Variants in AGO3 observed in about 807,000 individuals in gnomAD.
The protein encoded by AGO3 is protein argonaute-3.
AGO3 carries 16 observed loss-of-function variants against 105.5 expected under a neutral mutation model. That is an observed-to-expected ratio of 0.15 (90% CI 0.10 to 0.23). The LOEUF is 0.23. Among genes scored for constraint, AGO3 ranks in the 10% least tolerant of loss-of-function variants. The pLI is 1.00. For missense variants in AGO3, 534 were observed against 1,088.0 expected (o/e 0.49, Z 7.16); for synonymous variants, 340 against 367.3 (o/e 0.93, Z 0.85).
chr1:36,066,049 A>G lies in AGO3; in HGVS notation c.*10304A>G, dbSNP rs1314637554. ...AGTGAGACTCTGTCTCAAAAAAAAA[A>G]AAAAATCGTTGTGCAGTAATAGATC... On this transcript the variant is annotated 3_prime_UTR_variant, in exon 19 of 19. Transcript: ENST00000373191. The G allele has an allele frequency of 6.6e-6, 1 of 152,198 alleles. No individual in the cohort carries two copies. The highest frequency in any genetic ancestry group is 1.5e-5 in the Non-Finnish European group (1 of 68,174). 9.4% of individuals were successfully genotyped at this position (152,198 alleles called of 1,614,324 possible). A position where few individuals can be genotyped will look rare whatever the true frequency, so the allele number is the denominator to read the frequency against.
intron 5 of AGO3, among the ~76,000 whole-genome samples, chr1:35,993,738 C>CTTTTTTTTTTTTTT (rs141978570): frequency 1.1e-5 from 1 of 90,780 alleles, no homozygotes; most frequent in African/African-American, 5.0e-5. Flanking sequence ...CCACCCCCTG[C>CTTTTTTTTTTTTTT]TTTTTTTTTT....
At chr1:35,936,697 C>T (rs1383108618) in intron 1 of AGO3, among the ~76,000 whole-genome samples, 1 of 152,058 alleles carries the variant, frequency 6.6e-6, no homozygotes, top group African/African-American at 2.4e-5. Context: ...GAAATCAGAA[C>T]GTGGTATCTA....
chr1:35,935,927 G>A (rs1450481406), intron 1 of AGO3, among the ~76,000 whole-genome samples: 1 of 152,156 alleles, frequency 6.6e-6, no homozygotes, highest in African/African-American at 2.4e-5. Context: ...AAAGACCAAA[G>A]TGATAATTCT....
chr1:35,945,591 C>A, intron 1 of AGO3, 101 bp from the exon 2 acceptor site: 2 of 1,156,974 alleles, frequency 1.7e-6, no homozygotes, highest in Non-Finnish European at 2.5e-6. Flanking sequence ...TAGGTTTTAG[C>A]CATTATCAGC....
At chr1:35,949,895 G>A (rs1646437979) in intron 2 of AGO3, among the ~76,000 whole-genome samples, 1 of 151,978 alleles carries the variant, frequency 6.6e-6, no homozygotes. Context: ...ACAGGCATGA[G>A]CCACCATGGC....
At chr1:35,962,786 A>G (rs1203258723) in intron 2 of AGO3, among the ~76,000 whole-genome samples, 1 of 152,186 alleles carries the variant, frequency 6.6e-6, no homozygotes, top group East Asian at 1.9e-4. Context: ...GAACCAAAAA[A>G]TGTAGACAAA....
At chr1:35,957,197 A>G (rs1429275184) in intron 2 of AGO3, among the ~76,000 whole-genome samples, 2 of 151,090 alleles carry the variant, frequency 1.3e-5, no homozygotes, top group Admixed American at 6.6e-5. Context: ...TAAAAATACA[A>G]AAATTAGCTG....
chr1:35,939,348 A>T (rs11263842), intron 1 of AGO3, among the ~76,000 whole-genome samples: 13,381 of 152,198 alleles, frequency 0.088, 2,049 homozygotes, highest in East Asian at 0.68. Flanking sequence ...TTTAAAAAGC[A>T]CCAGGTAAAG....
chr1:36,040,083 C>T, intron 15 of AGO3, 99 bp downstream of exon 15: 1 of 1,316,212 alleles, frequency 7.6e-7, no homozygotes, highest in South Asian at 1.5e-5. Context: ...TAGAGTTCCC[C>T]AAGTCAAAAC....
rs944962928 is a variant in AGO3, at chr1:35,954,809, G to A, written c.191+8946G>A. On this transcript the variant is annotated intron_variant, in intron 2 of 18. Coordinates refer to ENST00000373191, the MANE Select transcript of AGO3 (RefSeq NM_024852.4). ...CTTTGGGTAAGGAGGAGGATGTGGT[G>A]TATCACATGGTATTTGAGCAAAATA... is the stretch of plus-strand genomic sequence containing the variant. 4.6e-5 allele frequency among the ~76,000 whole-genome samples: 7 copies of A among 152,336 alleles called. No homozygotes were observed. The South Asian group carries it at 1.0e-3, about 23-fold the overall frequency.
chr1:36,037,578 T>C (rs1465662552), intron 14 of AGO3, among the ~76,000 whole-genome samples: 1 of 152,134 alleles, frequency 6.6e-6, no homozygotes, highest in East Asian at 1.9e-4. Flanking sequence ...TTCACATAAA[T>C]CTTGTTTTAT....
intron 2 of AGO3, 62 bp downstream of exon 2, chr1:35,945,925 T>G: frequency 6.8e-7 from 1 of 1,479,668 alleles, no homozygotes; most frequent in Non-Finnish European, 9.3e-7. Context: ...TATCCATGTT[T>G]ATTTTGTATA....
chr1:36,046,537 C>CAAA (rs1336337683), intron 17 of AGO3, among the ~76,000 whole-genome samples: 1 of 129,512 alleles, frequency 7.7e-6, no homozygotes, highest in Non-Finnish European at 1.6e-5. Context: ...ACTAAAACTA[C>CAAA]AAAACAAATT....
At chr1:35,999,795 G>T (rs1365721557) in intron 5 of AGO3, among the ~76,000 whole-genome samples, 1 of 152,058 alleles carries the variant, frequency 6.6e-6, no homozygotes, top group Non-Finnish European at 1.5e-5. Context: ...AATTAATGTT[G>T]TGAAGAGTAA....
intron 11 of AGO3, among the ~76,000 whole-genome samples, chr1:36,023,659 A>G (rs1406346493): frequency 6.6e-6 from 1 of 152,254 alleles, no homozygotes; most frequent in Non-Finnish European, 1.5e-5. Context: ...AATAGGTTAC[A>G]GCTTGTTTAC....
intron 12 of AGO3, among the ~76,000 whole-genome samples, chr1:36,030,693 C>T (rs1365956094): frequency 6.6e-6 from 1 of 152,126 alleles, no homozygotes; most frequent in Non-Finnish European, 1.5e-5. Flanking sequence ...CATGCCTGGG[C>T]TGGTCTCGAA....
chr1:36,024,553 T>C (rs1401839315), intron 11 of AGO3, among the ~76,000 whole-genome samples: 1 of 152,142 alleles, frequency 6.6e-6, no homozygotes, highest in African/African-American at 2.4e-5. Flanking sequence ...GTCTCAGGGG[T>C]TTCTGCTGTC....
rs182459503 is a variant in AGO3 at position 36,000,962 on chromosome 1, G to A, written c.659-3379G>A. 6.6e-5 allele frequency among the ~76,000 whole-genome samples: 10 copies of A among 152,212 alleles called. No homozygotes were observed. In the East Asian group the frequency reaches 7.7e-4, roughly 12 times the overall value. On this transcript the variant is annotated intron_variant, in intron 5 of 18. Transcript: ENST00000373191. ...CCACAGAAATACTCATGGGCCAGGC[G>A]TGGTGGCTCACGCCTGTAATCCCAG...
intron 17 of AGO3, among the ~76,000 whole-genome samples, chr1:36,047,262 C>A (rs1481254751): frequency 6.6e-6 from 1 of 151,656 alleles, no homozygotes; most frequent in African/African-American, 2.4e-5. Context: ...ATCGGGAAAG[C>A]AATTCACAAT....
Sources: allele counts gnomAD v4.1 joint callset (sites outside exome capture counted in the v4.1 genomes callset), GRCh38; gene constraint gnomAD v4.1.1; transcripts MANE v1.5; gene names NCBI Gene and HGNC (gene_info 2026-07-23, HGNC 2026-07-21).